Variants in CCDC170 observed in about 807,000 individuals in gnomAD.
CCDC170 encodes coiled-coil domain-containing protein 170.
A neutral mutation model predicts 72.6 loss-of-function variants in CCDC170; 69 were observed. The ratio of observed to expected loss-of-function variants is 0.95; its 90% CI spans 0.78 to 1.16. CCDC170 has a LOEUF of 1.16. Among genes scored for constraint, CCDC170 ranks in the 50% most tolerant of loss-of-function variants. The pLI is 0.00. For synonymous variants in CCDC170, 300 were observed against 303.9 expected, an observed-to-expected ratio of 0.99 and a Z score of 0.13; for missense variants, 852 against 832.5, an observed-to-expected ratio of 1.02 and a Z score of -0.29.
intron 5 of CCDC170, among the ~76,000 whole-genome samples, chr6:151,564,198 T>C (rs1337112463): frequency 6.6e-6 from 1 of 152,190 alleles, no homozygotes; most frequent in African/African-American, 2.4e-5. Flanking sequence ...ATCTGTGATG[T>C]TGGTTGGGTA....
At chr6:151,616,022 A>T (rs1776961890) in intron 10 of CCDC170, 1 of 219,474 alleles carries the variant, frequency 4.6e-6, no homozygotes, top group African/African-American at 2.3e-5. Flanking sequence ...TTTCCATGGC[A>T]CAAATTGTAG....
chr6:151,575,780 G>A (rs1478079072), intron 6 of CCDC170, among the ~76,000 whole-genome samples: 1 of 151,912 alleles, frequency 6.6e-6, no homozygotes, highest in African/African-American at 2.4e-5. Flanking sequence ...CACCCGCCTC[G>A]GCCTCCCAAA....
intron 6 of CCDC170, among the ~76,000 whole-genome samples, chr6:151,581,442 G>A (rs1297487698): frequency 2.0e-5 from 3 of 152,200 alleles, no homozygotes; most frequent in African/African-American, 7.2e-5. Flanking sequence ...TGAGGTTACA[G>A]CAATTCAGTC....
intron 5 of CCDC170, among the ~76,000 whole-genome samples, chr6:151,559,031 G>A (rs1172895673): frequency 9.5e-5 from 3 of 31,630 alleles, no homozygotes; most frequent in Admixed American, 3.2e-4. Flanking sequence ...TTTTTTTTTC[G>A]AGACAGAATC....
intron 1 of CCDC170, among the ~76,000 whole-genome samples, chr6:151,499,496 C>T (rs796192708): frequency 1.1e-4 from 12 of 105,528 alleles, no homozygotes; most frequent in South Asian, 3.1e-4. Flanking sequence ...ATTCTAGGCA[C>T]TCTGTATAAG....
intron 4 of CCDC170, among the ~76,000 whole-genome samples, chr6:151,545,740 T>A (rs1782761399): frequency 6.6e-6 from 1 of 152,124 alleles, no homozygotes; most frequent in African/African-American, 2.4e-5. Flanking sequence ...GCTCAAGTGA[T>A]CCTCCCGCCT....
At chr6:151,562,458 G>A (rs1049064963) in intron 5 of CCDC170, among the ~76,000 whole-genome samples, 1 of 152,126 alleles carries the variant, frequency 6.6e-6, no homozygotes, top group Non-Finnish European at 1.5e-5. Flanking sequence ...TTCATTTTGG[G>A]TGATTTCAGA....
At chr6:151,506,060 C>T (rs1782062610) in intron 1 of CCDC170, among the ~76,000 whole-genome samples, 1 of 152,238 alleles carries the variant, frequency 6.6e-6, no homozygotes, top group South Asian at 2.1e-4. Flanking sequence ...ATGATTTGTA[C>T]CACTTCACTC....
At chr6:151,519,835 G>A (rs1782292723) in intron 1 of CCDC170, among the ~76,000 whole-genome samples, 1 of 152,190 alleles carries the variant, frequency 6.6e-6, no homozygotes, top group African/African-American at 2.4e-5. Context: ...CTAGTGGTAG[G>A]AGTGTCTTTT....
chr6:151,548,753 T>A (rs1782822557), intron 5 of CCDC170, among the ~76,000 whole-genome samples: 1 of 152,136 alleles, frequency 6.6e-6, no homozygotes, highest in East Asian at 1.9e-4. Context: ...GGAGTCTCAC[T>A]CTGTCACCCA....
Position 151,620,239 on chromosome 6 carries a change from CTA to C in CCDC170, c.*2093_*2094del, listed in dbSNP as rs1027715276. ...GAGAGAAAGAAAGAAACAGAAAAACCTAAAAGAAAGCGAATGAATTTGACACC... is the reference window on the plus strand; with the variant it reads ...GAGAGAAAGAAAGAAACAGAAAAACCAAAGAAAGCGAATGAATTTGACACC... On this transcript the variant is annotated 3_prime_UTR_variant, in exon 11 of 11. Coordinates refer to ENST00000239374, the MANE Select transcript of CCDC170 (RefSeq NM_025059.4). 6.8e-6 allele frequency: 1 copy of C among 146,778 alleles called. No individual in the cohort carries two copies. Among genetic ancestry groups the C allele is most frequent in the East Asian group, 2.0e-4 (1 of 5,022 alleles). 9.1% of individuals were successfully genotyped at this position (146,778 alleles called of 1,614,324 possible).
rs1583056165 is a variant in CCDC170 at position 151,620,165 on chromosome 6, C to A, written c.*2018C>A. On this transcript the variant is annotated 3_prime_UTR_variant, in exon 11 of 11. Transcript: ENST00000239374. ...GAAGATCTTCTTTTAGGAAAACTACCAATAAATGTAGAATGGATGATTCCA... is the reference window on the plus strand; with the variant it reads ...GAAGATCTTCTTTTAGGAAAACTACAAATAAATGTAGAATGGATGATTCCA... 2.6e-5 allele frequency: 2 copies of A among 76,558 alleles called. No individual in the cohort carries two copies. Among genetic ancestry groups the A allele is most frequent in the Non-Finnish European group, 5.3e-5 (2 of 37,562 alleles). 4.7% of individuals were successfully genotyped at this position (76,558 alleles called of 1,614,324 possible). A position where few individuals can be genotyped will look rare whatever the true frequency, so the allele number is the denominator to read the frequency against.
At chr6:151,555,502 A>G (rs1185711585) in intron 5 of CCDC170, among the ~76,000 whole-genome samples, 1 of 152,194 alleles carries the variant, frequency 6.6e-6, no homozygotes, top group Non-Finnish European at 1.5e-5. Context: ...TAGAATCTAG[A>G]TCATCTAACT....
At chr6:151,538,596 GT>G (rs1027430680) in intron 3 of CCDC170, among the ~76,000 whole-genome samples, 4 of 152,174 alleles carry the variant, frequency 2.6e-5, no homozygotes, top group African/African-American at 4.8e-5. Context: ...TCTAAGTAGA[GT>G]TTAACCCTGA....
intron 1 of CCDC170, among the ~76,000 whole-genome samples, chr6:151,524,066 G>T (rs1023361178): frequency 2.6e-5 from 4 of 152,218 alleles, no homozygotes; most frequent in African/African-American, 9.6e-5. Context: ...ACCGATGAGG[G>T]CTGGGCATCT....
intron 1 of CCDC170, among the ~76,000 whole-genome samples, chr6:151,529,587 G>A (rs1293489908): frequency 2.6e-5 from 4 of 152,174 alleles, no homozygotes; most frequent in Non-Finnish European, 5.9e-5. Flanking sequence ...AACCCGGGAG[G>A]CGGAGGTTGC....
rs149005639 is a variant in CCDC170 at position 151,560,494 on chromosome 6, G to A, written c.774+12005G>A. On this transcript the variant is annotated intron_variant, in intron 5 of 10. Transcript: ENST00000239374. ...GTGAGGTCCATCTTGTTGAAAGTCCGGTTTAAGTCCAGACCTTCTTTGTTA... is the reference window on the plus strand; with the variant it reads ...GTGAGGTCCATCTTGTTGAAAGTCCAGTTTAAGTCCAGACCTTCTTTGTTA... 3.4e-3 allele frequency among the ~76,000 whole-genome samples: 517 copies of A among 152,158 alleles called. 1 individual carries two copies. The highest frequency in any genetic ancestry group is 5.3e-3 in the Non-Finnish European group (360 of 67,960).
chr6:151,499,336 G>A (rs1781957109), intron 1 of CCDC170, among the ~76,000 whole-genome samples: 1 of 132,874 alleles, frequency 7.5e-6, no homozygotes, highest in African/African-American at 3.3e-5. Context: ...CTGTATAAGT[G>A]GAATCAGACT....
chr6:151,616,739 G>C (rs547808608), intron 10 of CCDC170, among the ~76,000 whole-genome samples: 24 of 152,276 alleles, frequency 1.6e-4, no homozygotes, highest in African/African-American at 5.8e-4. Context: ...AGGCTGAGAA[G>C]TCCAAGATCA....
Sources: gnomAD v4.1 joint callset for allele counts (sites outside exome capture counted in the v4.1 genomes callset) on GRCh38, gnomAD v4.1.1 for gene constraint, MANE v1.5 for transcripts, NCBI Gene and HGNC (gene_info 2026-07-23, HGNC 2026-07-21) for gene names.